TBL1XR1: variants seen among roughly 807,000 people sequenced by gnomAD.
TBL1XR1 encodes the protein TBL1X/Y related 1, also known as F-box-like/WD repeat-containing protein TBL1XR1.
In TBL1XR1, 5 loss-of-function variants were observed where a neutral mutation model predicts 66.9. The observed-to-expected ratio is 0.07, with a 90% CI of 0.04 to 0.16. The LOEUF is 0.16. Ranked by LOEUF, TBL1XR1 falls within the 10% of genes least tolerant of loss-of-function variation. The pLI is 1.00. For synonymous variants in TBL1XR1, 210 were observed against 206.0 expected (o/e 1.02, Z -0.17); for missense variants, 238 against 623.2 (o/e 0.38, Z 6.58).
chr3:177,053,931 G>C lies in TBL1XR1; in HGVS notation c.59-13C>G, dbSNP rs78281312. 32,884 of 1,594,220 alleles carry C rather than the reference G, an allele frequency of 0.021. 621 individuals carry two copies. Among genetic ancestry groups the C allele is most frequent in the African/African-American group, 0.089 (6,583 of 73,580 alleles). ...GAATGAGAAAATCCTAAAAACAAAA[G>C]AAAAGGCATGAGAATTTATTTTCCT... On this transcript the variant is annotated splice_polypyrimidine_tract_variant and intron_variant, in intron 3 of 15. Transcript: ENST00000457928.
chr3:177,152,953 G>A (rs1326637271), intron 1 of TBL1XR1, among the ~76,000 whole-genome samples: 3 of 151,932 alleles, frequency 2.0e-5, no homozygotes, highest in Admixed American at 6.6e-5. Context: ...ACAGCCTGAC[G>A]AACATGGTGA....
chr3:177,162,644 T>C (rs1732360407), intron 1 of TBL1XR1, among the ~76,000 whole-genome samples: 1 of 152,210 alleles, frequency 6.6e-6, no homozygotes, highest in South Asian at 2.1e-4. Flanking sequence ...ACACTTAACA[T>C]CTGTTCATTT....
At chr3:177,047,619 A>C in intron 7 of TBL1XR1, 70 bp from the exon 8 acceptor site, 1 of 1,496,622 alleles carries the variant, frequency 6.7e-7, no homozygotes, top group Non-Finnish European at 9.2e-7. Context: ...AAAGTATTTC[A>C]TGTTTAAATC....
upstream of TBL1XR1, among the ~76,000 whole-genome samples, chr3:177,199,534 C>G (rs999031407): frequency 6.6e-6 from 1 of 152,014 alleles, no homozygotes; most frequent in Non-Finnish European, 1.5e-5. Context: ...GGCGGGTCCT[C>G]TCCATACAGC....
chr3:177,125,517 TAATG>T lies in TBL1XR1; in HGVS notation c.-121-26980_-121-26977del, dbSNP rs547949510. On this transcript the variant is annotated intron_variant, in intron 1 of 15. Coordinates refer to ENST00000457928, the MANE Select transcript of TBL1XR1 (RefSeq NM_024665.7). ...TCAATTATTAGCATTTAATTAGAAA[TAATG>T]AATTAACAGGATTTTAAAAAACATT... Among the ~76,000 whole-genome samples the T allele has an allele frequency of 8.8e-4, 134 of 152,282 alleles. 1 individual carries two copies. The highest frequency in any genetic ancestry group is 3.1e-3 in the African/African-American group (128 of 41,580).
At chr3:177,112,104 T>TAC (rs1560188866) in intron 1 of TBL1XR1, among the ~76,000 whole-genome samples, 3 of 54,932 alleles carry the variant, frequency 5.5e-5, no homozygotes, top group African/African-American at 3.8e-4. Context: ...TATATATATA[T>TAC]ATATTTTTTT....
Position 177,075,572 on chromosome 3 carries a change from A to ATATT in TBL1XR1, c.-45-10554_-45-10551dup, listed in dbSNP as rs1720600154. ...CATCTTAGAAAGAACTAACTCAAGTATATTTCACTTTTTCAGGCTGAAAAA... is the reference window on the plus strand; with the variant it reads ...CATCTTAGAAAGAACTAACTCAAGTATATTTATTTCACTTTTTCAGGCTGAAAAA... On this transcript the variant is annotated intron_variant, in intron 2 of 15. Transcript: ENST00000457928. 2.0e-5 allele frequency among the ~76,000 whole-genome samples: 3 copies of ATATT among 152,204 alleles called. No homozygotes were observed. In the South Asian group the frequency reaches 6.2e-4, roughly 32 times the overall value.
At chr3:177,174,060 G>T (rs769733389) in intron 1 of TBL1XR1, among the ~76,000 whole-genome samples, 1 of 152,050 alleles carries the variant, frequency 6.6e-6, no homozygotes, top group Non-Finnish European at 1.5e-5. Flanking sequence ...TATACCAATC[G>T]ATTTTTCACG....
chr3:177,026,951 C>G (rs567055793), intron 14 of TBL1XR1: 1 of 152,866 alleles, frequency 6.5e-6, no homozygotes, highest in African/African-American at 2.4e-5. Flanking sequence ...TATTTACTGA[C>G]CAGTTCCTAA....
At chr3:177,059,701 T>C (rs184407644) in intron 3 of TBL1XR1, among the ~76,000 whole-genome samples, 2 of 152,320 alleles carry the variant, frequency 1.3e-5, no homozygotes, top group Admixed American at 6.5e-5. Context: ...TATATCATCC[T>C]GGTTAATATT....
chr3:177,176,416 C>G (rs1013274629), intron 1 of TBL1XR1, among the ~76,000 whole-genome samples: 1 of 149,698 alleles, frequency 6.7e-6, no homozygotes, highest in African/African-American at 2.4e-5. Flanking sequence ...AGGCTGGTCT[C>G]GAACTCCTGA....
chr3:177,180,897 GT>G (rs1346319731), intron 1 of TBL1XR1, among the ~76,000 whole-genome samples: 2 of 151,980 alleles, frequency 1.3e-5, no homozygotes, highest in Admixed American at 6.6e-5. Context: ...CGCCCTGCTA[GT>G]TTTTTGTATT....
intron 1 of TBL1XR1, among the ~76,000 whole-genome samples, chr3:177,114,155 G>C (rs1293620496): frequency 1.3e-5 from 2 of 151,284 alleles, no homozygotes; most frequent in African/African-American, 4.9e-5. Flanking sequence ...GTAACTATGG[G>C]GTAATGCATT....
intron 1 of TBL1XR1, among the ~76,000 whole-genome samples, chr3:177,103,145 G>C (rs1050227545): frequency 5.3e-5 from 8 of 152,210 alleles, no homozygotes; most frequent in African/African-American, 1.9e-4. Context: ...AAACTCACCA[G>C]TGGATTGTTA....
rs1577379261 is a variant in TBL1XR1, at chr3:177,172,374, G to A, written c.-122+24747C>T. ...TGAATAAATAAGTAAATATACAGGA[G>A]AAAAGGAACAAATCTCCTGTAAAGA... On this transcript the variant is annotated intron_variant, in intron 1 of 15. Coordinates refer to ENST00000457928, the MANE Select transcript of TBL1XR1 (RefSeq NM_024665.7). Among the ~76,000 whole-genome samples the A allele has an allele frequency of 4.0e-5, 6 of 151,066 alleles. No homozygotes were observed. In the South Asian group the frequency reaches 1.3e-3, roughly 31 times the overall value.
At chr3:177,115,475 A>G (rs186384760) in intron 1 of TBL1XR1, among the ~76,000 whole-genome samples, 1 of 152,198 alleles carries the variant, frequency 6.6e-6, no homozygotes, top group East Asian at 1.9e-4. Flanking sequence ...GCTATTCACT[A>G]CCCAACCCAA....
chr3:177,117,186 A>C (rs1050649546), intron 1 of TBL1XR1, among the ~76,000 whole-genome samples: 13 of 152,248 alleles, frequency 8.5e-5, no homozygotes, highest in Admixed American at 2.6e-4. Flanking sequence ...AATAATCTAT[A>C]GTGGGTACTG....
intron 1 of TBL1XR1, among the ~76,000 whole-genome samples, chr3:177,151,998 TG>T (rs1240655161): frequency 6.6e-6 from 1 of 152,184 alleles, no homozygotes; most frequent in Non-Finnish European, 1.5e-5. Context: ...CACTCCAGCC[TG>T]GGGCACAAGA....
rs141079610 is a variant in TBL1XR1 at position 177,148,401 on chromosome 3, A to G, written c.-122+48720T>C. ...TTCCCAGCTTCTCTTATGGCTAAAG[A>G]CATGGCATACTCTTTGATCTCAAAA... On this transcript the variant is annotated intron_variant, in intron 1 of 15. Coordinates refer to ENST00000457928, the MANE Select transcript of TBL1XR1 (RefSeq NM_024665.7). Among the ~76,000 whole-genome samples, 5 of 152,344 alleles carry G rather than the reference A, an allele frequency of 3.3e-5. No homozygotes were observed. The East Asian group carries it at 9.6e-4, about 29-fold the overall frequency.
Sources: allele counts gnomAD v4.1 joint callset (sites outside exome capture counted in the v4.1 genomes callset), GRCh38; gene constraint gnomAD v4.1.1; transcripts MANE v1.5; gene names NCBI Gene and HGNC (gene_info 2026-07-23, HGNC 2026-07-21).